ADGRL1: variants seen among roughly 807,000 people sequenced by gnomAD.
ADGRL1 encodes the protein adhesion G protein-coupled receptor L1, also known as CIRL-1.
Under a neutral mutation model 148.9 loss-of-function variants are expected in ADGRL1, and 31 were observed. That is an observed-to-expected ratio of 0.21 (90% CI 0.16 to 0.28). ADGRL1 has a LOEUF of 0.28. Among genes scored for constraint, ADGRL1 ranks in the 10% least tolerant of loss-of-function variants. The pLI, the probability that ADGRL1 is intolerant of heterozygous loss-of-function variation, is 1.00. For synonymous variants in ADGRL1, 937 were observed against 900.3 expected, an observed-to-expected ratio of 1.04 and a Z score of -0.73; for missense variants, 1,521 against 2,058.8, an observed-to-expected ratio of 0.74 and a Z score of 5.05.
chr19:14,205,791 G>T (rs1972965761), intron 1 of ADGRL1, among the ~76,000 whole-genome samples, 194 bp downstream of exon 1: 1 of 151,444 alleles, frequency 6.6e-6, no homozygotes, highest in Non-Finnish European at 1.5e-5. Context: ...CTCGCCAGTG[G>T]GGGTGAGGTG....
intron 1 of ADGRL1, among the ~76,000 whole-genome samples, chr19:14,201,558 A>G (rs1972615070): frequency 6.6e-6 from 1 of 151,866 alleles, no homozygotes; most frequent in Non-Finnish European, 1.5e-5. Context: ...CTGAGACTAC[A>G]GGTACATATT....
intron 1 of ADGRL1, among the ~76,000 whole-genome samples, chr19:14,205,587 G>C (rs1972941496): frequency 6.6e-6 from 1 of 151,736 alleles, no homozygotes; most frequent in Non-Finnish European, 1.5e-5. Flanking sequence ...AGGGCGCCAA[G>C]CACCCGCGCG....
chr19:14,160,447 C>G lies in ADGRL1; in HGVS notation c.1614+146G>C. Reference sequence around the variant, plus strand: ...CCTTCCCACCCCATCTGTCCCTGCTCCCTTTGTAGGCCAGGGAGGTGACCC... The same window carrying G: ...CCTTCCCACCCCATCTGTCCCTGCTGCCTTTGTAGGCCAGGGAGGTGACCC... On this transcript the variant is annotated intron_variant, in intron 7 of 22. Coordinates refer to ENST00000361434, the MANE Select transcript of ADGRL1 (RefSeq NM_014921.5). The surrounding 1 kb of genome is among the most constrained non-coding windows in gnomAD (Gnocchi z 5.9). 1.1e-6 allele frequency: 1 copy of G among 927,660 alleles called. No individual in the cohort carries two copies. Among genetic ancestry groups the G allele is most frequent in the Non-Finnish European group, 1.6e-6 (1 of 625,796 alleles). 57.5% of individuals were successfully genotyped at this position (927,660 alleles called of 1,614,324 possible). A position where few individuals can be genotyped will look rare whatever the true frequency, so the allele number is the denominator to read the frequency against.
chr19:14,182,459 C>T (rs1439010774), intron 2 of ADGRL1, among the ~76,000 whole-genome samples: 8 of 152,102 alleles, frequency 5.3e-5, no homozygotes, highest in Non-Finnish European at 1.2e-4. Context: ...TACGAGGTTT[C>T]GGGAGGGCAC....
At position 14,152,051 on chromosome 19, in the gene ADGRL1, CCTT is replaced by C. The variant is rs1476732478; in HGVS notation, c.3667+79_3667+81del. On this transcript the variant is annotated intron_variant, in intron 22 of 22. Coordinates refer to ENST00000361434, the MANE Select transcript of ADGRL1 (RefSeq NM_014921.5). This position sits in a 1 kb window ranked among gnomAD's most constrained non-coding sequence, Gnocchi z 6.1. ...ATGGGGAGGCATCCCGAGTTCTCCT[CCTT>C]AAGTGAGGCCGTCTGAGAAGGCCAC... The C allele has an allele frequency of 1.5e-5, 21 of 1,359,604 alleles. No homozygotes were observed. The African/African-American group carries it at 1.7e-4, about 11-fold the overall frequency. 84.2% of individuals were successfully genotyped at this position (1,359,604 alleles called of 1,614,324 possible). A position where few individuals can be genotyped will look rare whatever the true frequency, so the allele number is the denominator to read the frequency against.
At chr19:14,174,210 T>A (rs1970666657) in intron 3 of ADGRL1, among the ~76,000 whole-genome samples, 1 of 151,800 alleles carries the variant, frequency 6.6e-6, no homozygotes, top group South Asian at 2.1e-4. Context: ...TTGAATGAAG[T>A]CAGCAGGGAG....
At chr19:14,158,714 GC>G (rs1969027654) in intron 11 of ADGRL1, among the ~76,000 whole-genome samples, 162 bp from the exon 12 acceptor site, 1 of 152,214 alleles carries the variant, frequency 6.6e-6, no homozygotes, top group African/African-American at 2.4e-5. Flanking sequence ...GGGTCAGGGA[GC>G]CCTGTCCACA....
At chr19:14,177,793 G>T in intron 2 of ADGRL1, 49 bp from the exon 3 acceptor site, 1 of 1,535,074 alleles carries the variant, frequency 6.5e-7, no homozygotes, top group Non-Finnish European at 8.9e-7. Context: ...GGGCCAGGAA[G>T]GGAAGACCCT....
intron 1 of ADGRL1, among the ~76,000 whole-genome samples, chr19:14,192,813 AGT>A (rs1240295159): frequency 1.3e-5 from 2 of 152,124 alleles, no homozygotes; most frequent in African/African-American, 4.8e-5. Context: ...GGCCTCCCAA[AGT>A]GCTGAGATTA....
intron 1 of ADGRL1, among the ~76,000 whole-genome samples, chr19:14,187,120 C>G (rs1971620355): frequency 6.6e-6 from 1 of 152,164 alleles, no homozygotes; most frequent in African/African-American, 2.4e-5. Flanking sequence ...GGTGGATCAC[C>G]AGAGGTGGGA....
rs768125262 is a variant in ADGRL1, at chr19:14,177,517, G to A, written c.284+14C>T. 6 of 1,609,556 alleles carry A rather than the reference G, an allele frequency of 3.7e-6. No individual in the cohort carries two copies. Among genetic ancestry groups the A allele is most frequent in the African/African-American group, 1.3e-5 (1 of 74,984 alleles). ...GGGCACTTCATCCAGGAACTGCCACGAGAGCCCACTCACCTCTGTGACATG... is the reference window on the plus strand; with the variant it reads ...GGGCACTTCATCCAGGAACTGCCACAAGAGCCCACTCACCTCTGTGACATG... On this transcript the variant is annotated intron_variant, in intron 3 of 22. Transcript: ENST00000361434.
intron 1 of ADGRL1, 68 bp from the exon 2 acceptor site, chr19:14,183,765 T>G (rs750316374): frequency 9.6e-6 from 6 of 623,520 alleles, no homozygotes; most frequent in Non-Finnish European, 1.7e-5. Flanking sequence ...CTCCTGCTGG[T>G]GGCTGAGTAG....
At chr19:14,166,774 G>A (rs1444904672) in intron 4 of ADGRL1, among the ~76,000 whole-genome samples, 1 of 152,086 alleles carries the variant, frequency 6.6e-6, no homozygotes, top group Non-Finnish European at 1.5e-5. Flanking sequence ...CAGAAACAGC[G>A]AGAGAGAGAA....
At position 14,161,423 on chromosome 19, in the gene ADGRL1, G is replaced by T; in HGVS notation, c.1399C>A (p.Leu467Ile). ...PSTRRPPAPN[L>I]HVSPELFCEP... ...CAGAAGAGCTCAGGGGACACGTGTA[G>T]ATTCGGGGCTGGGGGCCGCCGGGTG... The change falls in exon 6 of 23, where the codon CTA (leucine) becomes ATA (isoleucine). Residue 467 changes from leucine (L) to isoleucine (I), a missense_variant. By Grantham distance (5) the Leu-to-Ile change is conservative (BLOSUM62 2). Transcript: ENST00000361434. The surrounding 1 kb of genome is among the most constrained non-coding windows in gnomAD (Gnocchi z 4.4). 6.5e-7 allele frequency: 1 copy of T among 1,527,258 alleles called. No individual in the cohort carries two copies. The highest frequency in any genetic ancestry group is 8.8e-7 in the Non-Finnish European group (1 of 1,140,166). 94.6% of individuals were successfully genotyped at this position (1,527,258 alleles called of 1,614,324 possible). A position where few individuals can be genotyped will look rare whatever the true frequency, so the allele number is the denominator to read the frequency against.
At position 14,160,792 on chromosome 19, in the gene ADGRL1, G is replaced by A. The variant is rs191780557; in HGVS notation, c.1511-96C>T. On this transcript the variant is annotated intron_variant, in intron 6 of 22. Coordinates refer to ENST00000361434, the MANE Select transcript of ADGRL1 (RefSeq NM_014921.5). The surrounding 1 kb of genome is among the most constrained non-coding windows in gnomAD (Gnocchi z 5.9). ...GGAAAGGAGATGACAGAGAGTGGGG[G>A]ACGAGCGGGCGAAGAGGGAGGTGAG... 2 of 755,264 alleles carry A rather than the reference G, an allele frequency of 2.6e-6. No individual in the cohort carries two copies. Among genetic ancestry groups the A allele is most frequent in the African/African-American group, 1.7e-5 (1 of 58,654 alleles). 46.8% of individuals were successfully genotyped at this position (755,264 alleles called of 1,614,324 possible). A position where few individuals can be genotyped will look rare whatever the true frequency, so the allele number is the denominator to read the frequency against.
At chr19:14,179,988 A>G in intron 2 of ADGRL1, among the ~76,000 whole-genome samples, 1 of 152,162 alleles carries the variant, frequency 6.6e-6, no homozygotes, top group South Asian at 2.1e-4. Flanking sequence ...TTTGGGTCAC[A>G]TAGTCTCAGC....
At position 14,156,169 on chromosome 19, in the gene ADGRL1, G is replaced by T; in HGVS notation, c.3066C>A (p.His1022Gln). ...GCACAGATGAGCTTCGGATCATCTT[G>T]TGCAGGGTCACCATGAGGAACACCA... is the stretch of plus-strand genomic sequence containing the variant. ...VNLVFLMVTL[H>Q]KMIRSSSVLK... Residue 1022 changes from histidine (H) to glutamine (Q), a missense_variant, in exon 17 of 23, where the codon CAC (histidine) becomes CAA (glutamine). Physicochemically the swap from His to Gln is conservative, Grantham distance 24. This residue lies in a region of ADGRL1 where 185 missense variants were observed against 251.7 expected (regional missense o/e 0.74). Transcript: ENST00000361434. The T allele has an allele frequency of 6.2e-7, 1 of 1,612,774 alleles. No homozygotes were observed. The highest frequency in any genetic ancestry group is 8.5e-7 in the Non-Finnish European group (1 of 1,179,778).
chr19:14,169,127 C>T (rs1244175318), intron 4 of ADGRL1: 1 of 152,292 alleles, frequency 6.6e-6, no homozygotes, highest in Non-Finnish European at 1.5e-5. Context: ...TTACTGAGCA[C>T]ATCCTGAACC....
At position 14,170,802 on chromosome 19, in the gene ADGRL1, G is replaced by A; in HGVS notation, c.285-11C>T. 7.7e-7 allele frequency: 1 copy of A among 1,302,494 alleles called. No homozygotes were observed. Among genetic ancestry groups the A allele is most frequent in the Non-Finnish European group, 1.1e-6 (1 of 911,790 alleles). 80.7% of individuals were successfully genotyped at this position (1,302,494 alleles called of 1,614,324 possible). A position where few individuals can be genotyped will look rare whatever the true frequency, so the allele number is the denominator to read the frequency against. On this transcript the variant is annotated splice_polypyrimidine_tract_variant and intron_variant, in intron 3 of 22. Coordinates refer to ENST00000361434, the MANE Select transcript of ADGRL1 (RefSeq NM_014921.5). ...GTGCGGTTGTTACACCTTCAGAGGAGAAACAGGGCATTGGGAAAGAAACAC... is the reference window on the plus strand; with the variant it reads ...GTGCGGTTGTTACACCTTCAGAGGAAAAACAGGGCATTGGGAAAGAAACAC...
Sources: gnomAD v4.1 joint callset for allele counts (sites outside exome capture counted in the v4.1 genomes callset) on GRCh38, gnomAD v4.1.1 for gene constraint, gnomAD v4.1.1 regional missense constraint, Gnocchi (gnomAD v3.1) non-coding constraint, MANE v1.5 for transcripts, NCBI Gene and HGNC (gene_info 2026-07-23, HGNC 2026-07-21) for gene names.